The following WBP2NL variants were observed in gnomAD, a reference collection of about 807,000 sequenced individuals.
WBP2NL encodes the protein WBP2 N-terminal like.
WBP2NL carries 27 observed loss-of-function variants against 23.3 expected under a neutral mutation model. That is an observed-to-expected ratio of 1.16 (90% CI 0.85 to 1.60). WBP2NL has a LOEUF of 1.60. Among genes scored for constraint, WBP2NL ranks in the 40% most tolerant of loss-of-function variants. The probability of loss-of-function intolerance (pLI) is 0.00; values close to 1 mark genes in which losing one functional copy is unlikely to be tolerated. For synonymous variants in WBP2NL, 151 were observed against 145.9 expected (o/e 1.03, Z -0.25); for missense variants, 370 against 389.5 (o/e 0.95, Z 0.42).
downstream of WBP2NL, among the ~76,000 whole-genome samples, chr22:42,036,425 C>T (rs1414244279): frequency 2.6e-5 from 4 of 152,198 alleles, no homozygotes; most frequent in Non-Finnish European, 4.4e-5. Flanking sequence ...CTCCCCGCCT[C>T]GGCCTCCCAA....
intron 8 of WBP2NL, among the ~76,000 whole-genome samples, chr22:42,039,150 C>T (rs561172984): frequency 1.3e-5 from 2 of 151,778 alleles, no homozygotes; most frequent in African/African-American, 4.8e-5. Context: ...CGGCTCACTG[C>T]AATTTCCGTC....
intron 5 of WBP2NL, among the ~76,000 whole-genome samples, chr22:42,024,032 T>C (rs1424572280): frequency 6.6e-6 from 1 of 152,224 alleles, no homozygotes; most frequent in African/African-American, 2.4e-5. Context: ...TCTAATCTGC[T>C]TTCTGTCTTT....
intron 1 of WBP2NL, chr22:42,002,738 C>CAT (rs1323036646): frequency 6.6e-6 from 1 of 152,222 alleles, no homozygotes; most frequent in East Asian, 1.9e-4. Flanking sequence ...AGGTACTGTG[C>CAT]ATAAACTCCT....
intron 1 of WBP2NL, among the ~76,000 whole-genome samples, chr22:42,013,897 C>T (rs1179971817): frequency 6.6e-6 from 1 of 152,102 alleles, no homozygotes; most frequent in Admixed American, 6.5e-5. Flanking sequence ...TCTCCGGCCT[C>T]AGCCTCCGGA....
intron 8 of WBP2NL, among the ~76,000 whole-genome samples, chr22:42,054,214 G>C (rs1925947654): frequency 6.6e-6 from 1 of 151,840 alleles, no homozygotes; most frequent in Non-Finnish European, 1.5e-5. Flanking sequence ...TTGAGACAGA[G>C]TCTCACACTG....
chr22:42,001,166 C>T (rs1165405456), intron 1 of WBP2NL: 2 of 833,146 alleles, frequency 2.4e-6, no homozygotes, highest in Admixed American at 1.8e-5. Context: ...AACAGCTTTG[C>T]TTCCTTCATC....
intron 1 of WBP2NL, among the ~76,000 whole-genome samples, chr22:42,015,553 C>G (rs1315322646): frequency 6.6e-6 from 1 of 152,070 alleles, no homozygotes; most frequent in Non-Finnish European, 1.5e-5. Flanking sequence ...TAGGCGCCCA[C>G]CACTACGCCC....
chr22:42,032,707 G>A (rs772216698), downstream of WBP2NL: 4 of 466,744 alleles, frequency 8.6e-6, no homozygotes, highest in Non-Finnish European at 1.8e-5. Context: ...TCTGGAGCCT[G>A]AAGAGGGTGG....
At chr22:42,029,310 A>AG (rs1455199307), downstream of WBP2NL, among the ~76,000 whole-genome samples, 1 of 151,564 alleles carries the variant, frequency 6.6e-6, no homozygotes, top group East Asian at 1.9e-4. Flanking sequence ...AAAAAAAAAA[A>AG]AAAAAAAGCC....
At chr22:42,024,504 TTA>T (rs751512031) in intron 5 of WBP2NL, among the ~76,000 whole-genome samples, 9 of 150,348 alleles carry the variant, frequency 6.0e-5, no homozygotes, top group Non-Finnish European at 1.3e-4. Flanking sequence ...CTTCCTTTTT[TTA>T]AAAAAAAAAA....
intron 8 of WBP2NL, among the ~76,000 whole-genome samples, chr22:42,046,080 T>C (rs1383392558): frequency 6.6e-6 from 1 of 152,240 alleles, no homozygotes. Context: ...TGGTAGGATT[T>C]CTATGTGTGA....
chr22:42,000,945 A>G (rs1921592588), intron 1 of WBP2NL: 1 of 366,776 alleles, frequency 2.7e-6, no homozygotes, highest in South Asian at 4.0e-5. Flanking sequence ...GTGAGCCGAG[A>G]TTGTGCCACT....
At chr22:42,003,858 A>G (rs1398279721) in intron 1 of WBP2NL, among the ~76,000 whole-genome samples, 1 of 152,258 alleles carries the variant, frequency 6.6e-6, no homozygotes, top group Non-Finnish European at 1.5e-5. Flanking sequence ...AATTGAAGGA[A>G]GAACAAACAT....
intron 8 of WBP2NL, among the ~76,000 whole-genome samples, chr22:42,049,687 CTCCAAA>C: frequency 1.1e-5 from 1 of 94,102 alleles, no homozygotes; most frequent in African/African-American, 6.2e-5. Context: ...GAGACTCCGT[CTCCAAA>C]ACAAAACAAA....
chr22:42,054,709 C>A (rs1189045470), intron 8 of WBP2NL, among the ~76,000 whole-genome samples: 1 of 144,370 alleles, frequency 6.9e-6, no homozygotes, highest in Non-Finnish European at 1.5e-5. Flanking sequence ...GGTCTTAGTA[C>A]CTTTGTAAAA....
intron 1 of WBP2NL, among the ~76,000 whole-genome samples, chr22:42,016,878 A>G (rs554697738): frequency 1.3e-5 from 2 of 152,280 alleles, no homozygotes; most frequent in Non-Finnish European, 2.9e-5. Context: ...AGAAATCTGA[A>G]GCTCACAGTT....
intron 8 of WBP2NL, among the ~76,000 whole-genome samples, chr22:42,055,150 C>T (rs559566416): frequency 6.6e-6 from 1 of 151,942 alleles, no homozygotes; most frequent in Admixed American, 6.5e-5. Context: ...AATGATTCTC[C>T]TGCATCAACA....
intron 1 of WBP2NL, among the ~76,000 whole-genome samples, chr22:42,015,687 C>A (rs1923241855): frequency 6.6e-6 from 1 of 152,136 alleles, no homozygotes; most frequent in Admixed American, 6.5e-5. Context: ...CAGGCGTGAG[C>A]CACCGCACCG....
intron 8 of WBP2NL, among the ~76,000 whole-genome samples, chr22:42,040,753 C>G (rs940016035): frequency 1.3e-5 from 2 of 152,136 alleles, no homozygotes; most frequent in Admixed American, 6.5e-5. Flanking sequence ...CTAGTTCTTT[C>G]CACTGTGGCC....
Sources: allele counts gnomAD v4.1 joint callset (sites outside exome capture counted in the v4.1 genomes callset), GRCh38; gene constraint gnomAD v4.1.1; transcripts MANE v1.5; gene names NCBI Gene and HGNC (gene_info 2026-07-23, HGNC 2026-07-21).